Variants in CEP131 observed in about 807,000 individuals in gnomAD.
CEP131 encodes the protein centrosomal protein of 131 kDa.
CEP131 carries 99 observed loss-of-function variants against 136.8 expected under a neutral mutation model. The ratio of observed to expected loss-of-function variants is 0.72; its 90% CI spans 0.62 to 0.86. The LOEUF (loss-of-function observed/expected upper bound fraction) is 0.86, where lower values mean the gene tolerates loss of function less well. Ranked by LOEUF, CEP131 falls within the 40% of genes least tolerant of loss-of-function variation. The pLI is 0.00. For synonymous variants in CEP131, 646 were observed against 612.7 expected, an observed-to-expected ratio of 1.05 and a Z score of -0.80; for missense variants, 1,459 against 1,463.0, an observed-to-expected ratio of 1.00 and a Z score of 0.04.
chr17:81,191,096 G>A lies in CEP131; in HGVS notation c.2766-12C>T. 1 of 1,599,584 alleles carries A rather than the reference G, an allele frequency of 6.3e-7. No homozygotes were observed. The highest frequency in any genetic ancestry group is 8.5e-7 in the Non-Finnish European group (1 of 1,171,742). On this transcript the variant is annotated splice_polypyrimidine_tract_variant and intron_variant, in intron 22 of 25. Coordinates refer to ENST00000450824, the MANE Select transcript of CEP131 (RefSeq NM_014984.4). Reference sequence around the variant, plus strand: ...GTAAGCGCTTGATGCTGGAGGTGGGGGGAGGGCAGGGTCACTCCAGCCCAG... The same window carrying A: ...GTAAGCGCTTGATGCTGGAGGTGGGAGGAGGGCAGGGTCACTCCAGCCCAG...
chr17:81,193,589 C>T (rs1329036111), intron 18 of CEP131, among the ~76,000 whole-genome samples: 1 of 152,156 alleles, frequency 6.6e-6, no homozygotes, highest in Non-Finnish European at 1.5e-5. Flanking sequence ...GGAGGGGCCT[C>T]GAGGCCGCCT....
chr17:81,221,691 G>A (rs1294377909), intron 1 of CEP131, among the ~76,000 whole-genome samples: 2 of 152,136 alleles, frequency 1.3e-5, no homozygotes, highest in Non-Finnish European at 2.9e-5. Context: ...CATCCGGCTC[G>A]GACTCCCTTC....
intron 5 of CEP131, among the ~76,000 whole-genome samples, chr17:81,204,937 G>C (rs921867418): frequency 2.0e-5 from 3 of 152,222 alleles, no homozygotes; most frequent in Non-Finnish European, 4.4e-5. Context: ...GGAATGAGCA[G>C]CATGGCATGT....
At chr17:81,192,984 G>A in intron 18 of CEP131, 141 bp from the exon 19 acceptor site, 3 of 1,375,436 alleles carry the variant, frequency 2.2e-6, no homozygotes, top group Non-Finnish European at 2.9e-6. Context: ...CCCCTCGGCA[G>A]TCAAGGCCCC....
At chr17:81,206,562 A>C (rs921441660) in intron 5 of CEP131, among the ~76,000 whole-genome samples, 182 bp downstream of exon 5, 1 of 152,172 alleles carries the variant, frequency 6.6e-6, no homozygotes. Flanking sequence ...CCTTATGTGC[A>C]AGACGCCACC....
rs2061807423 is a variant in CEP131 at position 81,198,136 on chromosome 17, G to GC, written c.1448dup (p.Arg484GlnfsTer10). 6.4e-7 allele frequency: 1 copy of GC among 1,571,762 alleles called. No homozygotes were observed. Among genetic ancestry groups the GC allele is most frequent in the African/African-American group, 1.4e-5 (1 of 73,968 alleles). ...TCACCTCGCTGGCCCAGGCGTATCT[G>GC]CCCCTGTGATGGGTCCTGGGGCGGG... On this transcript the variant is annotated frameshift_variant, in exon 12 of 26. Coordinates refer to ENST00000450824, the MANE Select transcript of CEP131 (RefSeq NM_014984.4). LOFTEE classifies it high-confidence loss of function.
chr17:81,221,124 CAAAAAAA>C (rs760838378), intron 1 of CEP131, among the ~76,000 whole-genome samples: 2 of 53,874 alleles, frequency 3.7e-5, no homozygotes, highest in African/African-American at 7.9e-5. Flanking sequence ...GACTCCATCT[CAAAAAAA>C]AAAAAAAAAA....
intron 1 of CEP131, among the ~76,000 whole-genome samples, chr17:81,222,289 A>T (rs2062405050): frequency 1.5e-5 from 2 of 132,618 alleles, no homozygotes; most frequent in African/African-American, 5.3e-5. Context: ...CCTGGTTCCC[A>T]GGGTGGGCTG....
chr17:81,204,725 T>C (rs2061966025), intron 5 of CEP131, among the ~76,000 whole-genome samples: 1 of 151,382 alleles, frequency 6.6e-6, no homozygotes, highest in Non-Finnish European at 1.5e-5. Flanking sequence ...TGCACCAGCC[T>C]GCACCTGCAC....
At chr17:81,192,230 G>T in intron 21 of CEP131, 88 bp downstream of exon 21, 1 of 1,296,964 alleles carries the variant, frequency 7.7e-7, no homozygotes, top group Non-Finnish European at 1.1e-6. Flanking sequence ...TGCCACAGCA[G>T]CAGCAAAACC....
In CEP131 at chr17:81,207,151, C is replaced by T. The variant is rs970101081; in HGVS notation, c.361G>A (p.Glu121Lys). The T allele has an allele frequency of 2.0e-5, 33 of 1,613,090 alleles. No homozygotes were observed. The highest frequency in any genetic ancestry group is 2.7e-5 in the Non-Finnish European group (32 of 1,179,808). Reference protein sequence around the residue: ...RPASLSTAPSEKGATWNVLDD... With the variant: ...RPASLSTAPSKKGATWNVLDD... The stretch of plus-strand genomic sequence containing the variant: ...AGGACGTTCCAGGTGGCTCCCTTCT[C>T]GCTGGGGGCTGTGCTCAGGCTGGCA... Residue 121 changes from glutamate to lysine, a missense_variant, in exon 4 of 26, where the codon GAG becomes AAG. Transcript: ENST00000450824.
intron 22 of CEP131, 54 bp downstream of exon 22, chr17:81,191,139 C>G: frequency 1.2e-6 from 2 of 1,605,360 alleles, no homozygotes. Flanking sequence ...CGGGTCCTTG[C>G]GCCTCAGCTC....
At chr17:81,214,687 G>A (rs1430413528) in intron 2 of CEP131, among the ~76,000 whole-genome samples, 1 of 152,230 alleles carries the variant, frequency 6.6e-6, no homozygotes, top group East Asian at 1.9e-4. Context: ...ACCAGAGCAC[G>A]AGGGAGCAGG....
intron 18 of CEP131, 131 bp from the exon 19 acceptor site, chr17:81,192,974 C>T (rs1239402976): frequency 2.1e-6 from 3 of 1,405,660 alleles, no homozygotes; most frequent in Admixed American, 5.1e-5. Context: ...CCTGCCCCTC[C>T]CCCTCGGCAG....
chr17:81,196,970 T>G lies in CEP131; in HGVS notation c.1733A>C (p.Glu578Ala). ...CAGCAGCATGGCCTGCTTCTTCTCCTCCACCTCCAGCTTCAGCCGCATCAC... is the reference window on the plus strand; with the variant it reads ...CAGCAGCATGGCCTGCTTCTTCTCCGCCACCTCCAGCTTCAGCCGCATCAC... ...TSVMRLKLEV[E>A]EKKQAMLLLQ... Residue 578 changes from glutamate to alanine, a missense_variant, in exon 14 of 26, where the codon GAG becomes GCG. This residue lies in a region of CEP131 where 1,026 missense variants were observed against 964.2 expected (regional missense o/e 1.06). Transcript: ENST00000450824. The G allele has an allele frequency of 6.2e-7, 1 of 1,608,190 alleles. No homozygotes were observed. The highest frequency in any genetic ancestry group is 8.5e-7 in the Non-Finnish European group (1 of 1,177,790).
In CEP131 at chr17:81,189,836, A is replaced by G. The variant is rs1598258109; in HGVS notation, c.3176T>C (p.Val1059Ala). The G allele has an allele frequency of 6.2e-7, 1 of 1,611,878 alleles. No homozygotes were observed. Among genetic ancestry groups the G allele is most frequent in the South Asian group, 1.1e-5 (1 of 91,012 alleles). ...CTCCTCCAGGTGGTCGGCCCGCTTC[A>G]CCGCAGCCTGCAGCACACCCACAGG... ...SSLRTQHEAA[V>A]KRADHLEELL... Residue 1059 changes from valine to alanine, a missense_variant, in exon 26 of 26, where the codon GTG becomes GCG. Val to Ala is a moderately conservative substitution (Grantham distance 64). Around this residue, in one of 3 missense-constraint regions of CEP131, gnomAD observed 1,026 missense variants for 964.2 expected, o/e 1.06. Transcript: ENST00000450824.
chr17:81,218,016 T>C (rs1014037867), intron 2 of CEP131, among the ~76,000 whole-genome samples: 31 of 150,244 alleles, frequency 2.1e-4, no homozygotes, highest in African/African-American at 6.2e-4. Context: ...CCTCTCCCTC[T>C]CCCTCCCCCT....
rs760838378 is a variant in CEP131, at chr17:81,221,124, CAAAAAAAAA to C, written c.-17-1060_-17-1052del. 2.0e-4 allele frequency among the ~76,000 whole-genome samples: 11 copies of C among 53,864 alleles called. No individual in the cohort carries two copies. The South Asian group carries it at 9.7e-3, about 47-fold the overall frequency. 35.3% of individuals were successfully genotyped at this position (53,864 alleles called of 152,430 possible). On this transcript the variant is annotated intron_variant, in intron 1 of 25. Transcript: ENST00000450824. ...TGGGCAACATAGCGAGACTCCATCT[CAAAAAAAAA>C]AAAAAAAAAAAAACGCGGGAGTGGT... is the stretch of plus-strand genomic sequence containing the variant.
chr17:81,203,658 C>G lies in CEP131; in HGVS notation c.516-51G>C. 1 of 1,429,320 alleles carries G rather than the reference C, an allele frequency of 7.0e-7. No homozygotes were observed. Among genetic ancestry groups the G allele is most frequent in the Non-Finnish European group, 9.6e-7 (1 of 1,042,362 alleles). The allele number at this position is 1,429,320 out of a possible 1,614,324, so 88.5% of individuals were successfully genotyped here. On this transcript the variant is annotated intron_variant, in intron 5 of 25. Transcript: ENST00000450824. This position sits in a 1 kb window ranked among gnomAD's most constrained non-coding sequence, Gnocchi z 4.6. ...ATGGTCAGGCCTCTGGAGGGGACGC[C>G]TGAGATCTCAGAGCTACACTCGCAG...
Sources: gnomAD v4.1 joint callset for allele counts (sites outside exome capture counted in the v4.1 genomes callset) on GRCh38, gnomAD v4.1.1 for gene constraint, gnomAD v4.1.1 regional missense constraint, Gnocchi (gnomAD v3.1) non-coding constraint, MANE v1.5 for transcripts, NCBI Gene and HGNC (gene_info 2026-07-23, HGNC 2026-07-21) for gene names.